The following MAP4K4 variants were observed in gnomAD, a reference collection of about 807,000 sequenced individuals.
MAP4K4 encodes the protein mitogen-activated protein kinase kinase kinase kinase 4, also known as HPK/GCK-like kinase HGK.
MAP4K4 carries 38 observed loss-of-function variants against 189.6 expected under a neutral mutation model. That is an observed-to-expected ratio of 0.20 (90% CI 0.15 to 0.26). The LOEUF is 0.26. MAP4K4 is among the 10% of genes least tolerant of loss of function. The pLI, the probability that MAP4K4 is intolerant of heterozygous loss-of-function variation, is 1.00. For synonymous variants in MAP4K4, 610 were observed against 624.3 expected (o/e 0.98, Z 0.34); for missense variants, 1,054 against 1,726.9 (o/e 0.61, Z 6.91).
chr2:101,703,392 C>T (rs962118355), intron 2 of MAP4K4, among the ~76,000 whole-genome samples: 4 of 151,746 alleles, frequency 2.6e-5, no homozygotes, highest in East Asian at 1.9e-4. Context: ...CTGAGACGGG[C>T]GGATCACCTG....
At chr2:101,849,195 T>A (rs937391128) in intron 12 of MAP4K4, among the ~76,000 whole-genome samples, 2 of 152,196 alleles carry the variant, frequency 1.3e-5, no homozygotes, top group African/African-American at 4.8e-5. Flanking sequence ...CAATCTCAGC[T>A]CACTGCACCC....
chr2:101,724,129 A>G (rs1327665637), intron 2 of MAP4K4, among the ~76,000 whole-genome samples: 2 of 152,106 alleles, frequency 1.3e-5, no homozygotes, highest in Non-Finnish European at 2.9e-5. Context: ...GATGTGCTTT[A>G]GTTTGATGAT....
intron 24 of MAP4K4, 112 bp from the exon 25 acceptor site, chr2:101,873,535 T>A: frequency 1.6e-6 from 1 of 635,076 alleles, no homozygotes; most frequent in Non-Finnish European, 2.8e-6. Context: ...GCAAGGCAAA[T>A]AGAGCAAAGT....
chr2:101,863,504 C>CTTA (rs2097727790), intron 16 of MAP4K4, among the ~76,000 whole-genome samples: 1 of 152,118 alleles, frequency 6.6e-6, no homozygotes. Flanking sequence ...CACATCATAA[C>CTTA]CCCTTTGGGC....
intron 2 of MAP4K4, among the ~76,000 whole-genome samples, chr2:101,719,482 G>A (rs970855955): frequency 2.6e-5 from 4 of 152,152 alleles, no homozygotes; most frequent in Non-Finnish European, 5.9e-5. Flanking sequence ...TGGTGTTTTG[G>A]AGAAGGCAGC....
At chr2:101,868,220 T>C (rs1476962422) in intron 21 of MAP4K4, among the ~76,000 whole-genome samples, 183 bp downstream of exon 21, 1 of 152,238 alleles carries the variant, frequency 6.6e-6, no homozygotes, top group Non-Finnish European at 1.5e-5. Context: ...TTTATTGTTA[T>C]TAAATGTAGC....
chr2:101,717,299 C>G (rs1212509742), intron 2 of MAP4K4, among the ~76,000 whole-genome samples: 1 of 152,140 alleles, frequency 6.6e-6, no homozygotes, highest in East Asian at 1.9e-4. Flanking sequence ...GCAAACGAAG[C>G]TTATCTCCTT....
At chr2:101,875,052 A>T (rs1235728134) in intron 26 of MAP4K4, among the ~76,000 whole-genome samples, 2 of 152,204 alleles carry the variant, frequency 1.3e-5, no homozygotes, top group Non-Finnish European at 2.9e-5. Context: ...AAAAAAATCT[A>T]CTTGATACTG....
At chr2:101,704,554 T>C (rs1229186501) in intron 2 of MAP4K4, among the ~76,000 whole-genome samples, 1 of 78,854 alleles carries the variant, frequency 1.3e-5, no homozygotes, top group Non-Finnish European at 2.4e-5. Context: ...TATATATATA[T>C]ATATATATAT....
At chr2:101,853,490 G>T (rs1050089278) in intron 12 of MAP4K4, among the ~76,000 whole-genome samples, 1 of 152,106 alleles carries the variant, frequency 6.6e-6, no homozygotes, top group Non-Finnish European at 1.5e-5. Flanking sequence ...AGACAAGTTG[G>T]TGGATAATAG....
At chr2:101,861,028 A>G (rs1461942004) in intron 16 of MAP4K4, 42 bp downstream of exon 16, 1 of 1,539,236 alleles carries the variant, frequency 6.5e-7, no homozygotes, top group Non-Finnish European at 8.7e-7. Flanking sequence ...AGACTCATGC[A>G]ACGGCTCGCT....
chr2:101,727,425 C>T (rs367667105), intron 2 of MAP4K4, among the ~76,000 whole-genome samples: 7 of 152,132 alleles, frequency 4.6e-5, no homozygotes, highest in African/African-American at 1.7e-4. Flanking sequence ...GTATAAAGAA[C>T]CTTGTATAGT....
intron 2 of MAP4K4, among the ~76,000 whole-genome samples, chr2:101,743,229 C>T (rs2063633230): frequency 6.6e-6 from 1 of 152,146 alleles, no homozygotes; most frequent in Non-Finnish European, 1.5e-5. Context: ...TCTATCTGAC[C>T]TGAGCATGAG....
At chr2:101,737,456 TATA>T (rs1558652816) in intron 2 of MAP4K4, among the ~76,000 whole-genome samples, 180 of 36,230 alleles carry the variant, frequency 5.0e-3, no homozygotes, top group Non-Finnish European at 6.8e-3. Flanking sequence ...TATATATATA[TATA>T]TATTTTTTTT....
chr2:101,792,635 T>TCCTTC (rs2093119891), intron 3 of MAP4K4, among the ~76,000 whole-genome samples: 1 of 148,994 alleles, frequency 6.7e-6, no homozygotes, highest in African/African-American at 2.5e-5. Context: ...CTCCTTCTTC[T>TCCTTC]TTCTTCTTCT....
At chr2:101,882,892 C>T (rs947745891) in intron 28 of MAP4K4, among the ~76,000 whole-genome samples, 9 of 152,196 alleles carry the variant, frequency 5.9e-5, no homozygotes, top group African/African-American at 1.9e-4. Context: ...CTCTGTGCAC[C>T]TATATGCATA....
intron 27 of MAP4K4, among the ~76,000 whole-genome samples, chr2:101,879,652 C>T (rs1048061479): frequency 6.6e-6 from 1 of 152,182 alleles, no homozygotes; most frequent in Non-Finnish European, 1.5e-5. Flanking sequence ...TCCAGATAGC[C>T]CCACCCTGGT....
chr2:101,725,074 A>G (rs575335866), intron 2 of MAP4K4, among the ~76,000 whole-genome samples: 1 of 152,304 alleles, frequency 6.6e-6, no homozygotes, highest in Non-Finnish European at 1.5e-5. Context: ...GCACTCTGTG[A>G]TGTGATGTTT....
chr2:101,770,857 G>C (rs2081088226), intron 2 of MAP4K4, among the ~76,000 whole-genome samples: 1 of 152,184 alleles, frequency 6.6e-6, no homozygotes, highest in South Asian at 2.1e-4. Flanking sequence ...ACTGTCACCA[G>C]ATGGCGCTAA....
Sources: allele counts gnomAD v4.1 joint callset (sites outside exome capture counted in the v4.1 genomes callset), GRCh38; gene constraint gnomAD v4.1.1; transcripts MANE v1.5; gene names NCBI Gene and HGNC (gene_info 2026-07-23, HGNC 2026-07-21).